PTPRN2: variants seen among roughly 807,000 people sequenced by gnomAD.
PTPRN2 encodes the protein receptor-type tyrosine-protein phosphatase N2.
A neutral mutation model predicts 118.8 loss-of-function variants in PTPRN2; 74 were observed. The ratio of observed to expected loss-of-function variants is 0.62; its 90% CI spans 0.52 to 0.76. PTPRN2 has a LOEUF of 0.76. Among genes scored for constraint, PTPRN2 ranks in the 30% least tolerant of loss-of-function variants. The probability of loss-of-function intolerance (pLI) is 0.00; values close to 1 mark genes in which losing one functional copy is unlikely to be tolerated. For synonymous variants in PTPRN2, 641 were observed against 608.0 expected (o/e 1.05, Z -0.80); for missense variants, 1,481 against 1,394.4 (o/e 1.06, Z -0.99).
chr7:158,155,127 T>G (rs996854505), intron 6 of PTPRN2, among the ~76,000 whole-genome samples: 1 of 152,176 alleles, frequency 6.6e-6, no homozygotes, highest in Admixed American at 6.5e-5. Flanking sequence ...CATAAGGCAA[T>G]TACACAAAAT....
intron 11 of PTPRN2, among the ~76,000 whole-genome samples, chr7:158,021,554 C>T (rs550301113): frequency 3.9e-5 from 6 of 152,216 alleles, no homozygotes; most frequent in East Asian, 1.9e-4. Context: ...AATCTCCCCC[C>T]GAGAGATGGG....
intron 2 of PTPRN2, among the ~76,000 whole-genome samples, chr7:158,488,841 C>T (rs1821224255): frequency 6.6e-6 from 1 of 152,220 alleles, no homozygotes; most frequent in African/African-American, 2.4e-5. Flanking sequence ...GCCCCGGGCC[C>T]ACACGCAGCC....
chr7:157,588,962 G>A (rs921540705), intron 17 of PTPRN2, among the ~76,000 whole-genome samples: 1 of 152,162 alleles, frequency 6.6e-6, no homozygotes, highest in African/African-American at 2.4e-5. Context: ...TGTAGTAAAA[G>A]ATACCTAACA....
chr7:157,905,046 T>G lies in PTPRN2; in HGVS notation c.1724-6309A>C, dbSNP rs567875241. Among the ~76,000 whole-genome samples the G allele has an allele frequency of 2.6e-5, 4 of 152,308 alleles. No individual in the cohort carries two copies. The East Asian group carries it at 5.8e-4, about 22-fold the overall frequency. ...GCCGCGTGGATTCCCTTTTCCACAC[T>G]GTTGGTGGAATTGTGACAGGTGCTG... On this transcript the variant is annotated intron_variant, in intron 11 of 22. Coordinates refer to ENST00000389418, the MANE Select transcript of PTPRN2 (RefSeq NM_002847.5).
intron 6 of PTPRN2, among the ~76,000 whole-genome samples, chr7:158,152,559 G>C (rs995381692): frequency 6.6e-6 from 1 of 152,172 alleles, no homozygotes; most frequent in Non-Finnish European, 1.5e-5. Context: ...GAAGTGTGAA[G>C]GGAAGTGCTG....
At chr7:158,023,751 C>T (rs1031061551) in intron 11 of PTPRN2, among the ~76,000 whole-genome samples, 21 of 152,218 alleles carry the variant, frequency 1.4e-4, no homozygotes, top group African/African-American at 5.1e-4. Flanking sequence ...TACCCTTGCC[C>T]TCATCAAGCC....
intron 3 of PTPRN2, among the ~76,000 whole-genome samples, chr7:158,207,832 G>T (rs140099640): frequency 4.9e-4 from 75 of 152,228 alleles, no homozygotes; most frequent in Middle Eastern, 3.4e-3. Flanking sequence ...GGATAGATAT[G>T]TTACCTTTCA....
chr7:158,511,120 C>T (rs1258082564), intron 1 of PTPRN2, among the ~76,000 whole-genome samples: 2 of 152,230 alleles, frequency 1.3e-5, no homozygotes, highest in Admixed American at 1.3e-4. Flanking sequence ...TTTTCTGGCA[C>T]CTTTGACCCT....
intron 12 of PTPRN2, among the ~76,000 whole-genome samples, chr7:157,793,098 AG>A (rs1354701153): frequency 2.0e-5 from 3 of 152,048 alleles, no homozygotes; most frequent in Non-Finnish European, 1.5e-5. Flanking sequence ...GGGGAGAGGA[AG>A]GGGGCGCAGC....
chr7:157,693,716 G>A (rs1299310897), intron 12 of PTPRN2, among the ~76,000 whole-genome samples: 1 of 152,148 alleles, frequency 6.6e-6, no homozygotes, highest in Non-Finnish European at 1.5e-5. Context: ...AGGCCAGAGG[G>A]GCCCTGGCGC....
chr7:157,553,127 A>G (rs1798714290), intron 21 of PTPRN2, among the ~76,000 whole-genome samples: 1 of 152,170 alleles, frequency 6.6e-6, no homozygotes, highest in Non-Finnish European at 1.5e-5. Context: ...AGTCTGACTC[A>G]AGAGACGGGG....
At chr7:157,838,666 G>A (rs1262404915) in intron 12 of PTPRN2, among the ~76,000 whole-genome samples, 1 of 39,778 alleles carries the variant, frequency 2.5e-5, no homozygotes, top group Admixed American at 2.3e-4. Context: ...TCTCCGCCGT[G>A]GCTACTCCAG....
At chr7:157,839,537 CTCTGTGTG>C (rs1307114961) in intron 12 of PTPRN2, among the ~76,000 whole-genome samples, 1 of 150,822 alleles carries the variant, frequency 6.6e-6, no homozygotes, top group Non-Finnish European at 1.5e-5. Context: ...CTTTGTATTA[CTCTGTGTG>C]TCTGTGTGTG....
At chr7:157,791,406 GGAA>G (rs1454825308) in intron 12 of PTPRN2, among the ~76,000 whole-genome samples, 3 of 152,244 alleles carry the variant, frequency 2.0e-5, no homozygotes, top group African/African-American at 7.2e-5. Flanking sequence ...TACGTGCTTG[GGAA>G]GCGGAGCGGC....
At chr7:158,134,916 G>C (rs140162199) in intron 8 of PTPRN2, among the ~76,000 whole-genome samples, 2 of 152,120 alleles carry the variant, frequency 1.3e-5, no homozygotes, top group African/African-American at 4.8e-5. Context: ...CACAAAAGTC[G>C]TGATTATCAG....
At chr7:157,926,449 C>A (rs1286678778) in intron 11 of PTPRN2, among the ~76,000 whole-genome samples, 1 of 152,222 alleles carries the variant, frequency 6.6e-6, no homozygotes, top group Non-Finnish European at 1.5e-5. Context: ...TGCATCTCAT[C>A]AAATTCTGAG....
chr7:157,812,457 G>C (rs755500528), intron 12 of PTPRN2, among the ~76,000 whole-genome samples: 15 of 152,124 alleles, frequency 9.9e-5, no homozygotes, highest in Non-Finnish European at 1.9e-4. Context: ...TGAGTTCCAG[G>C]GACTTCTTTC....
intron 6 of PTPRN2, among the ~76,000 whole-genome samples, chr7:158,151,514 T>TGCCTGC (rs1563522262): frequency 2.7e-5 from 4 of 146,076 alleles, no homozygotes; most frequent in Non-Finnish European, 6.1e-5. Context: ...TTTCTGCTCC[T>TGCCTGC]CACCGCACGT....
intron 11 of PTPRN2, among the ~76,000 whole-genome samples, chr7:157,918,944 C>T (rs1798556853): frequency 6.6e-6 from 1 of 152,202 alleles, no homozygotes; most frequent in African/African-American, 2.4e-5. Context: ...ACAACAGCCA[C>T]CTGAGGTGCG....
Sources: allele counts gnomAD v4.1 joint callset (sites outside exome capture counted in the v4.1 genomes callset), GRCh38; gene constraint gnomAD v4.1.1; transcripts MANE v1.5; gene names NCBI Gene and HGNC (gene_info 2026-07-23, HGNC 2026-07-21).